The following PPP1R21 variants were observed in gnomAD, a reference collection of about 807,000 sequenced individuals.
PPP1R21 encodes the protein protein phosphatase 1 regulatory subunit 21, also known as KLRAQ motif containing 1.
PPP1R21 carries 85 observed loss-of-function variants against 112.8 expected under a neutral mutation model. The observed-to-expected ratio is 0.75, with a 90% CI of 0.63 to 0.90. The LOEUF (loss-of-function observed/expected upper bound fraction) is 0.90, where lower values mean the gene tolerates loss of function less well. Among genes scored for constraint, PPP1R21 ranks in the 40% least tolerant of loss-of-function variants. The pLI is 0.00. For missense variants in PPP1R21, 1,199 were observed against 901.5 expected, an observed-to-expected ratio of 1.33 and a Z score of -4.23; for synonymous variants, 381 against 322.3, an observed-to-expected ratio of 1.18 and a Z score of -1.95.
chr2:48,496,537 A>C (rs1324102132), intron 16 of PPP1R21, among the ~76,000 whole-genome samples: 1 of 149,274 alleles, frequency 6.7e-6, no homozygotes, highest in Non-Finnish European at 1.5e-5. Flanking sequence ...TTGTGATCTC[A>C]GCTTGCTGCA....
intron 21 of PPP1R21, among the ~76,000 whole-genome samples, chr2:48,514,481 T>A (rs1478597480): frequency 6.6e-6 from 1 of 152,210 alleles, no homozygotes; most frequent in Non-Finnish European, 1.5e-5. Context: ...CTTTATTTCC[T>A]GTCCTCAGCC....
At chr2:48,497,997 T>A (rs915949188) in intron 16 of PPP1R21, among the ~76,000 whole-genome samples, 2 of 152,236 alleles carry the variant, frequency 1.3e-5, no homozygotes, top group African/African-American at 4.8e-5. Flanking sequence ...TCCATTTTTG[T>A]ATTCTCTGCT....
Position 48,440,775 on chromosome 2 carries a change from T to C in PPP1R21, c.-179T>C. The C allele has an allele frequency of 1.6e-6, 1 of 610,958 alleles. No homozygotes were observed. Among genetic ancestry groups the C allele is most frequent in the Non-Finnish European group, 2.9e-6 (1 of 344,738 alleles). 37.8% of individuals were successfully genotyped at this position (610,958 alleles called of 1,614,324 possible). Reference sequence around the variant, plus strand: ...CTCCGCCCCCGGCCCCACTCCACCTTCCTCCCACCCCGGGAACCCGGAAGT... The same window carrying C: ...CTCCGCCCCCGGCCCCACTCCACCTCCCTCCCACCCCGGGAACCCGGAAGT... On this transcript the variant is annotated 5_prime_UTR_variant, in exon 1 of 22. Transcript: ENST00000294952.
rs573930277 is a variant in PPP1R21 at position 48,476,488 on chromosome 2, C to A, written c.1225+1669C>A. Among the ~76,000 whole-genome samples, 8 of 152,284 alleles carry A rather than the reference C, an allele frequency of 5.3e-5. No homozygotes were observed. The East Asian group carries it at 1.3e-3, about 26-fold the overall frequency. Reference sequence around the variant, plus strand: ...ATACCTAGGAATGGAATTCCTGGGTCATGTGGCAACTCTGCTTAACTGTTT... The same window carrying A: ...ATACCTAGGAATGGAATTCCTGGGTAATGTGGCAACTCTGCTTAACTGTTT... On this transcript the variant is annotated intron_variant, in intron 12 of 21. Coordinates refer to ENST00000294952, the MANE Select transcript of PPP1R21 (RefSeq NM_001135629.3).
At chr2:48,489,678 G>T (rs376267355) in intron 14 of PPP1R21, among the ~76,000 whole-genome samples, 1 of 151,830 alleles carries the variant, frequency 6.6e-6, no homozygotes, top group South Asian at 2.1e-4. Context: ...TTTGGGCTGG[G>T]CACGGTAGCT....
intron 7 of PPP1R21, among the ~76,000 whole-genome samples, chr2:48,463,570 C>G (rs1668071900): frequency 6.6e-6 from 1 of 151,996 alleles, no homozygotes; most frequent in Non-Finnish European, 1.5e-5. Context: ...GCATGAGAGC[C>G]TGACAGACGG....
chr2:48,466,181 G>C (rs1443618973), intron 9 of PPP1R21, among the ~76,000 whole-genome samples: 1 of 152,036 alleles, frequency 6.6e-6, no homozygotes, highest in Non-Finnish European at 1.5e-5. Flanking sequence ...ATTTGCATGG[G>C]GACATAGAAC....
intron 2 of PPP1R21, among the ~76,000 whole-genome samples, chr2:48,453,383 A>C (rs1219388046): frequency 6.6e-6 from 1 of 152,070 alleles, no homozygotes; most frequent in Non-Finnish European, 1.5e-5. Context: ...AATAGAGATG[A>C]CGTCTCACTA....
At chr2:48,485,732 T>C (rs1669252049) in intron 13 of PPP1R21, among the ~76,000 whole-genome samples, 1 of 151,488 alleles carries the variant, frequency 6.6e-6, no homozygotes, top group Admixed American at 6.6e-5. Flanking sequence ...TAGTCTTATT[T>C]CCTCCATTAA....
intron 15 of PPP1R21, 100 bp from the exon 16 acceptor site, chr2:48,495,579 T>A: frequency 1.5e-6 from 1 of 688,206 alleles, no homozygotes. Flanking sequence ...TACATCTGAA[T>A]TTATTGTCAC....
chr2:48,478,330 T>C (rs1170664557), intron 12 of PPP1R21, among the ~76,000 whole-genome samples: 2 of 152,226 alleles, frequency 1.3e-5, no homozygotes, highest in Admixed American at 1.3e-4. Context: ...TTCATGAACA[T>C]AGTATGTTTT....
At chr2:48,458,714 C>T (rs1408879768) in intron 4 of PPP1R21, among the ~76,000 whole-genome samples, 1 of 151,906 alleles carries the variant, frequency 6.6e-6, no homozygotes, top group Non-Finnish European at 1.5e-5. Context: ...AGTCCCAGGA[C>T]AGTGTCTTAC....
At position 48,454,680 on chromosome 2, in the gene PPP1R21, A is replaced by G. The variant is rs1353435272; in HGVS notation, c.212A>G (p.Lys71Arg). 10 of 1,614,208 alleles carry G rather than the reference A, an allele frequency of 6.2e-6. No homozygotes were observed. The highest frequency in any genetic ancestry group is 8.5e-6 in the Non-Finnish European group (10 of 1,180,018). ...ACATTTCGAAATCTGCAGCTTGCCA[A>G]GAGGGTAGAACTACTTCAAGATGAA... is the stretch of plus-strand genomic sequence containing the variant. ...SLTFRNLQLA[K>R]RVELLQDELA... Residue 71 changes from lysine (K) to arginine (R), a missense_variant, in exon 3 of 22, where the codon AAG becomes AGG. Coordinates refer to ENST00000294952, the MANE Select transcript of PPP1R21 (RefSeq NM_001135629.3).
intron 18 of PPP1R21, 143 bp from the exon 19 acceptor site, chr2:48,507,126 T>G: frequency 7.4e-6 from 9 of 1,223,010 alleles, no homozygotes; most frequent in Non-Finnish European, 9.6e-6. Flanking sequence ...GTCTGAAGTT[T>G]CTTCGAGGGG....
intron 7 of PPP1R21, among the ~76,000 whole-genome samples, chr2:48,462,876 C>G (rs535534355): frequency 2.9e-4 from 44 of 152,164 alleles, no homozygotes; most frequent in African/African-American, 9.6e-4. Flanking sequence ...ATTGTGGAGG[C>G]TTAGCCTGGA....
chr2:48,441,155 T>G, intron 1 of PPP1R21, 145 bp downstream of exon 1: 1 of 661,210 alleles, frequency 1.5e-6, no homozygotes, highest in Admixed American at 2.8e-5. Flanking sequence ...CGTCCACCAT[T>G]ACGGTGCCTC....
At position 48,513,899 on chromosome 2, in the gene PPP1R21, T is replaced by A. The variant is rs538567451; in HGVS notation, c.2314-816T>A. ...AAACTAGAAAATCCAAATCTCCGTA[T>A]TTGAGGAAATGGAATAAGTCATCTT... On this transcript the variant is annotated intron_variant, in intron 21 of 21. Coordinates refer to ENST00000294952, the MANE Select transcript of PPP1R21 (RefSeq NM_001135629.3). Among the ~76,000 whole-genome samples, 63 of 152,242 alleles carry A rather than the reference T, an allele frequency of 4.1e-4. 1 individual carries two copies. Among genetic ancestry groups the A allele is most frequent in the Non-Finnish European group, 5.7e-4 (39 of 68,006 alleles).
At chr2:48,448,442 G>C (rs2103746015) in intron 1 of PPP1R21, among the ~76,000 whole-genome samples, 1 of 152,152 alleles carries the variant, frequency 6.6e-6, no homozygotes, top group African/African-American at 2.4e-5. Context: ...TAATTGCTGT[G>C]GTTCTGGTTT....
At chr2:48,471,023 A>G in intron 9 of PPP1R21, 64 bp from the exon 10 acceptor site, 1 of 1,144,298 alleles carries the variant, frequency 8.7e-7, no homozygotes, top group South Asian at 1.3e-5. Flanking sequence ...GGGTCCATTT[A>G]GAAATGTGTT....
Sources: allele counts gnomAD v4.1 joint callset (sites outside exome capture counted in the v4.1 genomes callset), GRCh38; gene constraint gnomAD v4.1.1; transcripts MANE v1.5; gene names NCBI Gene and HGNC (gene_info 2026-07-23, HGNC 2026-07-21).